HSPA4L: variants seen among roughly 807,000 people sequenced by gnomAD.
HSPA4L encodes the protein heat shock protein family A (Hsp70) member 4 like.
Under a neutral mutation model 100.3 loss-of-function variants are expected in HSPA4L, and 48 were observed. That is an observed-to-expected ratio of 0.48 (90% CI 0.38 to 0.61). HSPA4L has a LOEUF of 0.61. Among genes scored for constraint, HSPA4L ranks in the 20% least tolerant of loss-of-function variants. HSPA4L has a pLI of 0.00. For missense variants in HSPA4L, 886 were observed against 988.6 expected, an observed-to-expected ratio of 0.90 and a Z score of 1.39; for synonymous variants, 319 against 328.2, an observed-to-expected ratio of 0.97 and a Z score of 0.30.
rs906791808 is a variant in HSPA4L at position 127,835,424 on chromosome 4, A to T, written c.*2550A>T. 8 of 152,240 alleles carry T rather than the reference A, an allele frequency of 5.3e-5. No homozygotes were observed. Among genetic ancestry groups the T allele is most frequent in the African/African-American group, 1.9e-4 (8 of 41,468 alleles). 9.4% of individuals were successfully genotyped at this position (152,240 alleles called of 1,614,324 possible). On this transcript the variant is annotated 3_prime_UTR_variant, in exon 19 of 19. Coordinates refer to ENST00000296464, the MANE Select transcript of HSPA4L (RefSeq NM_014278.4). ...AATGTAAAATTATTAAGTTTTGGCC[A>T]GGCGCTGTGGCTCACGCCTGTAATC... is the stretch of plus-strand genomic sequence containing the variant.
At chr4:127,798,515 C>CAGT (rs1446127888) in intron 3 of HSPA4L, 72 bp from the exon 4 acceptor site, 8 of 1,459,088 alleles carry the variant, frequency 5.5e-6, no homozygotes, top group Non-Finnish European at 7.6e-6. Flanking sequence ...ATCACATATA[C>CAGT]AGTAGGTGCT....
At chr4:127,819,210 T>C (rs1257848549) in intron 13 of HSPA4L, among the ~76,000 whole-genome samples, 1 of 152,106 alleles carries the variant, frequency 6.6e-6, no homozygotes, top group Non-Finnish European at 1.5e-5. Context: ...AAAGGATAAA[T>C]GATTTATTGA....
rs978467014 is a variant in HSPA4L, at chr4:127,833,869, A to C, written c.*995A>C. ...CACTATTAAGTGGTAATACTTGAAA[A>C]GGAGCACTTATACCATAAGTCTTAG... On this transcript the variant is annotated 3_prime_UTR_variant, in exon 19 of 19. Coordinates refer to ENST00000296464, the MANE Select transcript of HSPA4L (RefSeq NM_014278.4). The C allele has an allele frequency of 6.6e-6, 1 of 152,184 alleles. No homozygotes were observed. The highest frequency in any genetic ancestry group is 1.5e-5 in the Non-Finnish European group (1 of 68,016). 9.4% of individuals were successfully genotyped at this position (152,184 alleles called of 1,614,324 possible). A position where few individuals can be genotyped will look rare whatever the true frequency, so the allele number is the denominator to read the frequency against.
chr4:127,830,917 A>AT (rs1424540167), intron 18 of HSPA4L, 118 bp downstream of exon 18: 5 of 622,610 alleles, frequency 8.0e-6, no homozygotes, highest in African/African-American at 3.8e-5. Context: ...TTTAAGACTA[A>AT]TTTTTTATTT....
rs1355105340 is a variant in HSPA4L, at chr4:127,834,816, C to CTATT, written c.*1943_*1946dup. The CTATT allele has an allele frequency of 6.6e-6, 1 of 152,124 alleles. No individual in the cohort carries two copies. The highest frequency in any genetic ancestry group is 1.5e-5 in the Non-Finnish European group (1 of 67,980). 9.4% of individuals were successfully genotyped at this position (152,124 alleles called of 1,614,324 possible). ...GGGAGTAAATATGGGAACAACTTTT[C>CTATT]TATTAATACATCTAAATTTTCTAGT... On this transcript the variant is annotated 3_prime_UTR_variant, in exon 19 of 19. Transcript: ENST00000296464.
rs1169901279 is a variant in HSPA4L at position 127,837,052 on chromosome 4, TG to T, written c.*4179del. ...ACCACCTGAGTTCAAGCGATTTTTC[TG>T]CCTCAACCTCTCCTGAGTAGCTGGG... On this transcript the variant is annotated 3_prime_UTR_variant, in exon 19 of 19. Coordinates refer to ENST00000296464, the MANE Select transcript of HSPA4L (RefSeq NM_014278.4). 6.6e-6 allele frequency: 1 copy of T among 152,190 alleles called. No individual in the cohort carries two copies. The highest frequency in any genetic ancestry group is 1.5e-5 in the Non-Finnish European group (1 of 68,070). 9.4% of individuals were successfully genotyped at this position (152,190 alleles called of 1,614,324 possible). A position where few individuals can be genotyped will look rare whatever the true frequency, so the allele number is the denominator to read the frequency against.
At chr4:127,783,084 C>T (rs1732612198) in intron 1 of HSPA4L, among the ~76,000 whole-genome samples, 1 of 152,170 alleles carries the variant, frequency 6.6e-6, no homozygotes, top group African/African-American at 2.4e-5. Context: ...TTCCTTTCCC[C>T]GTCCCTCTGG....
intron 4 of HSPA4L, among the ~76,000 whole-genome samples, chr4:127,800,817 C>T (rs1733154397): frequency 6.6e-6 from 1 of 152,028 alleles, no homozygotes; most frequent in Admixed American, 6.5e-5. Flanking sequence ...TTTTCAGACT[C>T]TTGAGTTTTC....
chr4:127,811,391 G>A, intron 11 of HSPA4L, 46 bp from the exon 12 acceptor site: 3 of 1,391,226 alleles, frequency 2.2e-6, no homozygotes, highest in Non-Finnish European at 3.0e-6. Context: ...AATTGAATAA[G>A]TTAATCTGAG....
intron 14 of HSPA4L, 115 bp downstream of exon 14, chr4:127,820,680 ATTAAGT>A: frequency 1.1e-6 from 1 of 873,992 alleles, no homozygotes; most frequent in South Asian, 1.7e-5. Flanking sequence ...AAGGAATTAT[ATTAAGT>A]AGATTACTAA....
Position 127,788,388 on chromosome 4 carries a change from A to C in HSPA4L, c.108-5689A>C, listed in dbSNP as rs78579031. On this transcript the variant is annotated intron_variant, in intron 1 of 18. Transcript: ENST00000296464. ...AGCAAGCTAGAAAGCAAATTGCAGC[A>C]GTGAGTTTTTTTTAGAGCATTCTTC... is the stretch of plus-strand genomic sequence containing the variant. Among the ~76,000 whole-genome samples the C allele has an allele frequency of 6.6e-3, 999 of 152,350 alleles. 15 individuals are homozygous for C. The highest frequency in any genetic ancestry group is 0.022 in the African/African-American group (935 of 41,580).
intron 1 of HSPA4L, among the ~76,000 whole-genome samples, chr4:127,792,214 G>T (rs756536726): frequency 4.6e-5 from 7 of 152,124 alleles, no homozygotes; most frequent in Non-Finnish European, 7.4e-5. Context: ...TAAATTTTAA[G>T]ATTATAATCT....
intron 1 of HSPA4L, among the ~76,000 whole-genome samples, chr4:127,787,157 C>T (rs1732741463): frequency 1.3e-5 from 2 of 152,126 alleles, no homozygotes; most frequent in African/African-American, 4.8e-5. Context: ...GCTGTTTAAA[C>T]ACTGTTTCAG....
At chr4:127,825,742 T>C (rs770584322) in intron 16 of HSPA4L, among the ~76,000 whole-genome samples, 2 of 151,724 alleles carry the variant, frequency 1.3e-5, no homozygotes, top group Non-Finnish European at 2.9e-5. Context: ...CTGGCTAACA[T>C]GGTGAAATCC....
At chr4:127,822,148 C>T (rs1361514580) in intron 14 of HSPA4L, among the ~76,000 whole-genome samples, 1 of 152,106 alleles carries the variant, frequency 6.6e-6, no homozygotes, top group African/African-American at 2.4e-5. Context: ...TTCCATCACC[C>T]CAAACGTTAA....
chr4:127,829,406 G>A (rs946240176), intron 17 of HSPA4L, among the ~76,000 whole-genome samples: 5 of 151,910 alleles, frequency 3.3e-5, no homozygotes, highest in African/African-American at 7.3e-5. Context: ...TTTTTTTAAG[G>A]ATCTGGAGGC....
chr4:127,785,828 CTAA>C (rs1239921857), intron 1 of HSPA4L, among the ~76,000 whole-genome samples: 1 of 152,148 alleles, frequency 6.6e-6, no homozygotes, highest in Non-Finnish European at 1.5e-5. Context: ...AATCCATAGC[CTAA>C]TAATTCAGGT....
chr4:127,823,065 AT>A (rs1245378937), intron 15 of HSPA4L, among the ~76,000 whole-genome samples, 171 bp downstream of exon 15: 5 of 152,212 alleles, frequency 3.3e-5, no homozygotes, highest in Admixed American at 3.3e-4. Flanking sequence ...TGAAAAACAT[AT>A]TTTTGAATAA....
chr4:127,820,951 AT>A (rs915585620), intron 14 of HSPA4L, among the ~76,000 whole-genome samples: 2 of 152,048 alleles, frequency 1.3e-5, no homozygotes, highest in African/African-American at 4.8e-5. Flanking sequence ...TCCATTAAAT[AT>A]TTTTTTAAAA....
Sources: allele counts gnomAD v4.1 joint callset (sites outside exome capture counted in the v4.1 genomes callset), GRCh38; gene constraint gnomAD v4.1.1; transcripts MANE v1.5; gene names NCBI Gene and HGNC (gene_info 2026-07-23, HGNC 2026-07-21).